The following LRRC37A2 variants were observed in gnomAD, a reference collection of about 807,000 sequenced individuals.
LRRC37A2 encodes leucine-rich repeat-containing protein 37A2.
LRRC37A2 carries 9 observed loss-of-function variants against 68.8 expected under a neutral mutation model. The ratio of observed to expected loss-of-function variants is 0.13; its 90% confidence interval spans 0.08 to 0.23. The LOEUF is 0.23. LRRC37A2 is among the 10% of genes least tolerant of loss of function. The pLI, the probability that LRRC37A2 is intolerant of heterozygous loss-of-function variation, is 1.00. For missense variants in LRRC37A2, 168 were observed against 950.4 expected (o/e 0.18, Z 10.82); for synonymous variants, 63 against 367.6 (o/e 0.17, Z 9.48).
At chr17:46,801,110 T>A in the LRRC37A2 span, among the ~76,000 whole-genome samples, 1 of 152,144 alleles carries the variant, frequency 6.6e-6, no homozygotes, top group African/African-American at 2.4e-5. Context: ...GTTATCCCCA[T>A]TTTGCAGAGA....
the LRRC37A2 span, chr17:46,938,740 G>T: frequency 2.2e-5 from 35 of 1,613,824 alleles, no homozygotes; most frequent in Non-Finnish European, 2.9e-5. Context: ...CATGTTCCTC[G>T]TGGTGCAGTA....
chr17:46,851,867 A>T, the LRRC37A2 span: 2 of 387,584 alleles, frequency 5.2e-6, no homozygotes, highest in Non-Finnish European at 9.0e-6. The surrounding 1 kb of genome is among the most constrained non-coding windows in gnomAD (Gnocchi z 4.3). Flanking sequence ...CCCACTTCGC[A>T]GTCGGAGTTC....
chr17:46,988,988 G>T, the LRRC37A2 span, among the ~76,000 whole-genome samples: 2 of 152,294 alleles, frequency 1.3e-5, no homozygotes, highest in South Asian at 4.1e-4. Flanking sequence ...ACCCAGAGGG[G>T]ACACTGTGGA....
chr17:46,923,096 A>T, the LRRC37A2 span: 1 of 840,216 alleles, frequency 1.2e-6, no homozygotes, highest in Non-Finnish European at 2.0e-6. Flanking sequence ...CAGGGGAGGG[A>T]GGGTCCTGCG....
the LRRC37A2 span, among the ~76,000 whole-genome samples, chr17:46,943,974 AGG>A: frequency 6.6e-6 from 1 of 151,980 alleles, no homozygotes; most frequent in Non-Finnish European, 1.5e-5. Flanking sequence ...ATCTAGGAAG[AGG>A]GGGCTCTCGG....
chr17:46,924,767 TGTGA>T, the LRRC37A2 span, among the ~76,000 whole-genome samples: 3 of 152,240 alleles, frequency 2.0e-5, no homozygotes, highest in African/African-American at 7.2e-5. Context: ...AAAACTAGTC[TGTGA>T]GTAATTTAGA....
At chr17:46,987,606 C>T in the LRRC37A2 span, among the ~76,000 whole-genome samples, 10 of 152,090 alleles carry the variant, frequency 6.6e-5, no homozygotes, top group African/African-American at 1.7e-4. Context: ...CAAAAGGCCC[C>T]GATGAGTGAC....
At chr17:46,866,659 G>A in the LRRC37A2 span, among the ~76,000 whole-genome samples, 34 of 152,156 alleles carry the variant, frequency 2.2e-4, no homozygotes, top group Non-Finnish European at 4.0e-4. Flanking sequence ...AGGCTTTCCC[G>A]GTTCCCAGGC....
At chr17:46,763,807 C>T in the LRRC37A2 span, 2 of 144,890 alleles carry the variant, frequency 1.4e-5, no homozygotes, top group Non-Finnish European at 3.0e-5. Context: ...CCTTACATAG[C>T]CTATTTACAA....
exon 10 of LRRC37A2, chr17:46,548,534 T>C (rs1396425860): frequency 7.0e-6 from 10 of 1,429,876 alleles, no homozygotes; most frequent in Non-Finnish European, 9.5e-6. Flanking sequence ...GCGGTAAACC[T>C]AGATGTGAAA....
the LRRC37A2 span, among the ~76,000 whole-genome samples, chr17:46,918,107 T>G: frequency 2.6e-5 from 4 of 152,216 alleles, no homozygotes; most frequent in South Asian, 8.3e-4. Context: ...TGATACGGAA[T>G]CTCGCTCTGT....
chr17:46,898,613 G>A, the LRRC37A2 span, among the ~76,000 whole-genome samples: 130 of 152,326 alleles, frequency 8.5e-4, no homozygotes, highest in African/African-American at 3.0e-3. Context: ...AAGATAGGAA[G>A]CAGAGGATGA....
At chr17:46,737,003 G>A in the LRRC37A2 span, among the ~76,000 whole-genome samples, 2 of 152,220 alleles carry the variant, frequency 1.3e-5, no homozygotes. Context: ...ATTGAAAGGA[G>A]ATCGGAAGTT....
At chr17:47,030,088 A>AATAATAATAATC in the LRRC37A2 span, among the ~76,000 whole-genome samples, 3 of 107,140 alleles carry the variant, frequency 2.8e-5, no homozygotes, top group Non-Finnish European at 5.6e-5. Context: ...TAATAATAAT[A>AATAATAATAATC]ATCATCATCA....
the LRRC37A2 span, among the ~76,000 whole-genome samples, chr17:46,913,642 G>A: frequency 6.6e-6 from 1 of 152,264 alleles, no homozygotes; most frequent in Non-Finnish European, 1.5e-5. Flanking sequence ...TGACCAGGAT[G>A]AGGCCAGTAC....
At chr17:46,874,630 T>A in the LRRC37A2 span, among the ~76,000 whole-genome samples, 2 of 152,072 alleles carry the variant, frequency 1.3e-5, no homozygotes, top group Admixed American at 6.6e-5. Context: ...CAGGCTGGAG[T>A]GCAATGGCGC....
the LRRC37A2 span, among the ~76,000 whole-genome samples, chr17:46,810,430 GGAGAGC>G: frequency 6.6e-6 from 1 of 152,174 alleles, no homozygotes; most frequent in African/African-American, 2.4e-5. Context: ...GATGCTCAAT[GGAGAGC>G]CCCTGGCAGA....
intron 6 of LRRC37A2, among the ~76,000 whole-genome samples, chr17:46,534,716 C>G (rs2054330951): frequency 6.7e-6 from 1 of 150,150 alleles, no homozygotes; most frequent in South Asian, 2.1e-4. Context: ...TTGGGTACAC[C>G]TCCCAGACGG....
chr17:46,830,477 C>T, the LRRC37A2 span: 16 of 392,112 alleles, frequency 4.1e-5, no homozygotes, highest in African/African-American at 2.5e-4. Flanking sequence ...TGATCTCCAA[C>T]TCTTGGGCTC....
Sources: gnomAD v4.1 joint callset for allele counts (sites outside exome capture counted in the v4.1 genomes callset) on GRCh38, gnomAD v4.1.1 for gene constraint, Gnocchi (gnomAD v3.1) non-coding constraint, MANE v1.5 for transcripts, NCBI Gene and HGNC (gene_info 2026-07-23, HGNC 2026-07-21) for gene names.